Variants in CTNNA3 observed in about 807,000 individuals in gnomAD.
The protein encoded by CTNNA3 is catenin alpha 3.
A neutral mutation model predicts 95.7 loss-of-function variants in CTNNA3; 76 were observed. The ratio of observed to expected loss-of-function variants is 0.79; its 90% CI spans 0.66 to 0.96. The LOEUF (loss-of-function observed/expected upper bound fraction) is 0.96. Ranked by LOEUF, CTNNA3 falls within the 40% of genes least tolerant of loss-of-function variation. The probability of loss-of-function intolerance (pLI) is 0.00; values close to 1 mark genes in which losing one functional copy is unlikely to be tolerated. For synonymous variants in CTNNA3, 431 were observed against 374.4 expected (o/e 1.15, Z -1.74); for missense variants, 1,191 against 1,089.8 (o/e 1.09, Z -1.31).
rs371974709 is a variant in CTNNA3 at position 66,763,341 on chromosome 10, C to CACACAGAGAGAGAGAGAG, written c.1281+2922_1281+2923insCTCTCTCTCTCTCTGTGT. ...ACACACACACACACACACACACACA[C>CACACAGAGAGAGAGAGAG]AGAGAGAGAGAGGGAGAGAGAGAGA... On this transcript the variant is annotated intron_variant, in intron 9 of 17. Coordinates refer to ENST00000433211, the MANE Select transcript of CTNNA3 (RefSeq NM_013266.4). 3.7e-3 allele frequency among the ~76,000 whole-genome samples: 517 copies of CACACAGAGAGAGAGAGAG among 139,196 alleles called. 1 individual carries two copies. Among genetic ancestry groups the CACACAGAGAGAGAGAGAG allele is most frequent in the Middle Eastern group, 0.014 (4 of 278 alleles). The allele number at this position is 139,196 out of a possible 152,430, so 91.3% of individuals were successfully genotyped here.
chr10:66,749,796 C>T (rs1311530204), intron 9 of CTNNA3, among the ~76,000 whole-genome samples: 1 of 152,170 alleles, frequency 6.6e-6, no homozygotes, highest in Non-Finnish European at 1.5e-5. Context: ...AAACTGTCTT[C>T]CAAAGTGGCT....
intron 13 of CTNNA3, among the ~76,000 whole-genome samples, chr10:66,104,876 C>T (rs768206475): frequency 6.6e-6 from 1 of 152,182 alleles, no homozygotes; most frequent in South Asian, 2.1e-4. Flanking sequence ...TGCCAATAGC[C>T]TTTCATCCCT....
chr10:67,097,488 C>A (rs1858073877), intron 7 of CTNNA3: 3 of 1,013,328 alleles, frequency 3.0e-6, no homozygotes, highest in Non-Finnish European at 4.5e-6. Flanking sequence ...ACAGATATAA[C>A]CATGGAGGTT....
In CTNNA3 at chr10:67,180,787, C is replaced by T. The variant is rs527410177; in HGVS notation, c.844-267G>A. On this transcript the variant is annotated intron_variant, in intron 6 of 17. Transcript: ENST00000433211. The stretch of plus-strand genomic sequence containing the variant: ...TTCTCCCTCATGCAGGTGTCATACA[C>T]TTGCTGAGCCTCAACCTCTTGATCT... Among the ~76,000 whole-genome samples, 18 of 152,284 alleles carry T rather than the reference C, an allele frequency of 1.2e-4. No individual in the cohort carries two copies. The South Asian group carries it at 3.7e-3, about 32-fold the overall frequency.
At chr10:67,132,923 G>A (rs1186038735) in intron 7 of CTNNA3, among the ~76,000 whole-genome samples, 1 of 151,736 alleles carries the variant, frequency 6.6e-6, no homozygotes, top group Non-Finnish European at 1.5e-5. Context: ...ACGGGTGAGT[G>A]GGGGTGAGGG....
intron 9 of CTNNA3, among the ~76,000 whole-genome samples, chr10:66,628,541 A>T (rs541372835): frequency 9.9e-5 from 15 of 152,162 alleles, no homozygotes; most frequent in Non-Finnish European, 1.9e-4. Flanking sequence ...ACAGAGAAAA[A>T]CTTTGAATAT....
chr10:67,567,273 A>G (rs1434550683), intron 3 of CTNNA3, among the ~76,000 whole-genome samples: 4 of 152,122 alleles, frequency 2.6e-5, no homozygotes, highest in African/African-American at 9.6e-5. Context: ...AAAAAGAATG[A>G]AATATGTCTT....
At chr10:67,414,622 T>TACA (rs1008055550) in intron 5 of CTNNA3, among the ~76,000 whole-genome samples, 1 of 151,996 alleles carries the variant, frequency 6.6e-6, no homozygotes, top group Non-Finnish European at 1.5e-5. Context: ...CAGGCAGAGA[T>TACA]ACAACAACAA....
chr10:67,530,830 TC>T (rs1840302044), intron 4 of CTNNA3, among the ~76,000 whole-genome samples: 1 of 152,130 alleles, frequency 6.6e-6, no homozygotes, highest in African/African-American at 2.4e-5. Context: ...AAAAGCAGTT[TC>T]ATGGGCCAAG....
intron 16 of CTNNA3, among the ~76,000 whole-genome samples, chr10:65,977,466 C>T (rs1245338965): frequency 6.6e-6 from 1 of 152,014 alleles, no homozygotes; most frequent in African/African-American, 2.4e-5. Flanking sequence ...CATATTGGAG[C>T]CTAAACTTTA....
chr10:67,574,203 G>T (rs1016174687), intron 3 of CTNNA3, among the ~76,000 whole-genome samples: 1 of 152,284 alleles, frequency 6.6e-6, no homozygotes, highest in East Asian at 1.9e-4. Context: ...TCTGGAGGAA[G>T]CAGGTTTGAT....
intron 13 of CTNNA3, among the ~76,000 whole-genome samples, chr10:66,136,829 A>T (rs2083381702): frequency 6.8e-6 from 1 of 147,580 alleles, no homozygotes; most frequent in South Asian, 2.1e-4. Flanking sequence ...AGTTCACATA[A>T]TTTTTTTTTT....
intron 5 of CTNNA3, among the ~76,000 whole-genome samples, chr10:67,466,647 T>C (rs1436738607): frequency 6.6e-6 from 1 of 152,182 alleles, no homozygotes; most frequent in Non-Finnish European, 1.5e-5. Context: ...CAAAATGAGC[T>C]TCCGGGGAAA....
intron 7 of CTNNA3, among the ~76,000 whole-genome samples, chr10:66,838,326 G>A (rs1231830440): frequency 6.6e-6 from 1 of 152,020 alleles, no homozygotes; most frequent in Admixed American, 6.6e-5. Context: ...AAACAATTTT[G>A]CTTCAGTAAT....
At chr10:67,370,981 C>T (rs1843419926) in intron 5 of CTNNA3, among the ~76,000 whole-genome samples, 2 of 149,406 alleles carry the variant, frequency 1.3e-5, no homozygotes, top group African/African-American at 4.9e-5. Context: ...ATTCTCCTGC[C>T]TCAGCCTCCC....
chr10:66,748,249 C>G (rs1046318808), intron 9 of CTNNA3, among the ~76,000 whole-genome samples: 1 of 152,190 alleles, frequency 6.6e-6, no homozygotes, highest in African/African-American at 2.4e-5. Flanking sequence ...ATTTGTGTGT[C>G]TCTGTGTTGA....
At position 67,607,066 on chromosome 10, in the gene CTNNA3, A is replaced by G; in HGVS notation, c.100-17T>C. 1 of 1,582,028 alleles carries G rather than the reference A, an allele frequency of 6.3e-7. No individual in the cohort carries two copies. Among genetic ancestry groups the G allele is most frequent in the Non-Finnish European group, 8.7e-7 (1 of 1,155,874 alleles). On this transcript the variant is annotated splice_polypyrimidine_tract_variant and intron_variant, in intron 2 of 17. Transcript: ENST00000433211. ...TGTGGTAACCTAAAATTGGAAAAAT[A>G]CAAAGTACTAAATTGACAAATTGTA... is the stretch of plus-strand genomic sequence containing the variant.
At chr10:67,194,947 G>A (rs1459061659) in intron 6 of CTNNA3, among the ~76,000 whole-genome samples, 1 of 151,900 alleles carries the variant, frequency 6.6e-6, no homozygotes, top group East Asian at 1.9e-4. Flanking sequence ...CTAAAAGGCT[G>A]AAAGCCTTTT....
chr10:67,524,700 G>A (rs2133166884), intron 4 of CTNNA3, among the ~76,000 whole-genome samples: 1 of 152,196 alleles, frequency 6.6e-6, no homozygotes, highest in East Asian at 1.9e-4. Flanking sequence ...TTGTCAAGGA[G>A]AGGTCATATG....
Sources: allele counts gnomAD v4.1 joint callset (sites outside exome capture counted in the v4.1 genomes callset), GRCh38; gene constraint gnomAD v4.1.1; transcripts MANE v1.5; gene names NCBI Gene and HGNC (gene_info 2026-07-23, HGNC 2026-07-21).